The following PSD3 variants were observed in gnomAD, a reference collection of about 807,000 sequenced individuals.
PSD3 encodes pleckstrin and Sec7 domain containing 3, also known as PH and SEC7 domain-containing protein 3.
Under a neutral mutation model 105.5 loss-of-function variants are expected in PSD3, and 49 were observed. The observed-to-expected ratio is 0.46, with a 90% confidence interval of 0.37 to 0.59. The LOEUF is 0.59. Among genes scored for constraint, PSD3 ranks in the 20% least tolerant of loss-of-function variants. The pLI is 0.00. For missense variants in PSD3, 1,561 were observed against 1,263.8 expected, an observed-to-expected ratio of 1.24 and a Z score of -3.57; for synonymous variants, 557 against 457.8, an observed-to-expected ratio of 1.22 and a Z score of -2.77.
At chr8:18,843,023 C>T (rs1007821624) in intron 4 of PSD3, among the ~76,000 whole-genome samples, 1 of 152,106 alleles carries the variant, frequency 6.6e-6, no homozygotes, top group Non-Finnish European at 1.5e-5. Flanking sequence ...GTCAATATGC[C>T]ACTCAAAAAG....
upstream of PSD3, among the ~76,000 whole-genome samples, chr8:19,016,602 A>G (rs1827186359): frequency 6.6e-6 from 1 of 152,190 alleles, no homozygotes; most frequent in Non-Finnish European, 1.5e-5. Context: ...CACCTACATA[A>G]TATTTTGTAG....
intron 9 of PSD3, among the ~76,000 whole-genome samples, chr8:18,716,104 C>A (rs190811680): frequency 3.9e-5 from 6 of 152,186 alleles, no homozygotes; most frequent in Admixed American, 3.9e-4. Context: ...GTTGGTCAGG[C>A]CATGAGTGCA....
At chr8:18,673,779 T>A (rs988923138) in intron 9 of PSD3, among the ~76,000 whole-genome samples, 2 of 152,142 alleles carry the variant, frequency 1.3e-5, no homozygotes, top group African/African-American at 4.8e-5. Flanking sequence ...CCCGTGGGCC[T>A]CGACTGAGCC....
At chr8:18,848,643 T>C (rs970747989) in intron 4 of PSD3, among the ~76,000 whole-genome samples, 3 of 152,230 alleles carry the variant, frequency 2.0e-5, no homozygotes, top group Non-Finnish European at 4.4e-5. Context: ...AATATTCTTG[T>C]ATGTATGTGT....
chr8:18,669,609 C>T (rs1799666433), intron 9 of PSD3, among the ~76,000 whole-genome samples: 1 of 152,198 alleles, frequency 6.6e-6, no homozygotes, highest in South Asian at 2.1e-4. Flanking sequence ...GGATTCGCGT[C>T]CACATGGGAT....
intron 1 of PSD3, among the ~76,000 whole-genome samples, chr8:19,074,611 A>ATATTTTT (rs1324257417): frequency 3.7e-4 from 9 of 24,220 alleles, no homozygotes; most frequent in East Asian, 2.1e-3. Flanking sequence ...ATATATATAT[A>ATATTTTT]TTTTTTTTTT....
rs536761441 is a variant in PSD3, at chr8:18,774,443, C to T, written c.2083-8905G>A. ...ATTATTGTTAACTATAGTCACTCTA[C>T]TGCAGTACTGAACAATACATCGTGT... On this transcript the variant is annotated intron_variant, in intron 8 of 15. Transcript: ENST00000327040. 70 of 191,930 alleles carry T rather than the reference C, an allele frequency of 3.6e-4. 2 individuals carry two copies. The South Asian group carries it at 6.1e-3, about 17-fold the overall frequency. 11.9% of individuals were successfully genotyped at this position (191,930 alleles called of 1,614,324 possible).
chr8:18,726,577 T>C (rs987057606), intron 9 of PSD3, among the ~76,000 whole-genome samples: 1 of 152,194 alleles, frequency 6.6e-6, no homozygotes. Context: ...ATGACTTTAA[T>C]TCATGCTCAT....
intron 2 of PSD3, among the ~76,000 whole-genome samples, chr8:18,890,013 T>C (rs773157820): frequency 2.1e-4 from 32 of 152,204 alleles, no homozygotes; most frequent in Non-Finnish European, 3.4e-4. Context: ...AAGCAAGCTA[T>C]TATTGCCCAA....
intron 9 of PSD3, among the ~76,000 whole-genome samples, chr8:18,739,807 C>T (rs776927675): frequency 6.6e-6 from 1 of 152,130 alleles, no homozygotes; most frequent in Non-Finnish European, 1.5e-5. Flanking sequence ...GCAGTGAGAA[C>T]ATTTGAAATT....
At chr8:18,952,916 T>C (rs1292010574) in intron 1 of PSD3, among the ~76,000 whole-genome samples, 1 of 152,002 alleles carries the variant, frequency 6.6e-6, no homozygotes, top group Admixed American at 6.6e-5. Flanking sequence ...GGTCTGACAG[T>C]AAAAACAAAT....
chr8:18,852,999 T>G (rs931522811), intron 4 of PSD3, among the ~76,000 whole-genome samples: 2 of 152,130 alleles, frequency 1.3e-5, no homozygotes. Context: ...GTTAAGTAAC[T>G]TGCTAGAGAC....
At chr8:18,731,731 G>A (rs954100552) in intron 9 of PSD3, among the ~76,000 whole-genome samples, 3 of 152,180 alleles carry the variant, frequency 2.0e-5, no homozygotes, top group African/African-American at 7.2e-5. Context: ...AAGGGTTTCA[G>A]ATCCTTCCAG....
chr8:18,816,497 T>G (rs1468125392), intron 4 of PSD3, among the ~76,000 whole-genome samples: 1 of 152,230 alleles, frequency 6.6e-6, no homozygotes. Context: ...TTGGTGTATA[T>G]AGGAACAAAC....
chr8:18,721,695 C>G (rs1487550497), intron 9 of PSD3, among the ~76,000 whole-genome samples: 1 of 152,110 alleles, frequency 6.6e-6, no homozygotes, highest in Non-Finnish European at 1.5e-5. Context: ...GAATATGTGT[C>G]CTATTAACAC....
intron 11 of PSD3, among the ~76,000 whole-genome samples, chr8:18,602,642 T>C (rs963013813): frequency 6.6e-6 from 1 of 151,902 alleles, no homozygotes; most frequent in African/African-American, 2.4e-5. Context: ...ATGCTAAGAG[T>C]AAGGTACTAT....
intron 8 of PSD3, among the ~76,000 whole-genome samples, chr8:18,784,205 T>A (rs1808907029): frequency 6.6e-6 from 1 of 152,210 alleles, no homozygotes; most frequent in Non-Finnish European, 1.5e-5. Flanking sequence ...CAAGTCTATT[T>A]CCTTGTTGAT....
At chr8:18,835,043 T>C (rs1337804901) in intron 4 of PSD3, among the ~76,000 whole-genome samples, 1 of 152,138 alleles carries the variant, frequency 6.6e-6, no homozygotes, top group South Asian at 2.1e-4. Context: ...ATTAAATTGG[T>C]TAAGATAAAA....
chr8:18,919,873 A>C, intron 2 of PSD3, among the ~76,000 whole-genome samples: 1 of 119,770 alleles, frequency 8.3e-6, no homozygotes, highest in Non-Finnish European at 1.7e-5. Context: ...GGGGGGAGGG[A>C]TAGCATTGGG....
Sources: allele counts gnomAD v4.1 joint callset (sites outside exome capture counted in the v4.1 genomes callset), GRCh38; gene constraint gnomAD v4.1.1; transcripts MANE v1.5; gene names NCBI Gene and HGNC (gene_info 2026-07-23, HGNC 2026-07-21).